Variants in CAB39 observed in about 807,000 individuals in gnomAD.
CAB39 encodes calcium-binding protein 39.
Under a neutral mutation model 40.0 loss-of-function variants are expected in CAB39, and 8 were observed. The ratio of observed to expected loss-of-function variants is 0.20; its 90% CI spans 0.12 to 0.36. The LOEUF is 0.36. Ranked by LOEUF, CAB39 falls within the 10% of genes least tolerant of loss-of-function variation. The pLI, the probability that CAB39 is intolerant of heterozygous loss-of-function variation, is 1.00. For synonymous variants in CAB39, 156 were observed against 141.6 expected (o/e 1.10, Z -0.72); for missense variants, 270 against 401.1 (o/e 0.67, Z 2.79).
chr2:230,815,038 G>A (rs1696376197), intron 7 of CAB39, among the ~76,000 whole-genome samples: 1 of 152,160 alleles, frequency 6.6e-6, no homozygotes, highest in Non-Finnish European at 1.5e-5. Context: ...TTCCTACCGT[G>A]GGGAAATCTC....
chr2:230,776,406 T>G lies in CAB39; in HGVS notation c.115-14466T>G, dbSNP rs116782990. Among the ~76,000 whole-genome samples the G allele has an allele frequency of 1.5e-3, 224 of 152,348 alleles. 1 individual carries two copies. The highest frequency in any genetic ancestry group is 5.2e-3 in the African/African-American group (217 of 41,578). ...AACCAGAGCATTGACATTGGTATAATCCACAGGGCTTGTTCAGATTTCACC... is the reference window on the plus strand; with the variant it reads ...AACCAGAGCATTGACATTGGTATAAGCCACAGGGCTTGTTCAGATTTCACC... On this transcript the variant is annotated intron_variant, in intron 2 of 8. Transcript: ENST00000258418.
chr2:230,730,931 C>T (rs1376781261), intron 1 of CAB39, among the ~76,000 whole-genome samples: 4 of 152,124 alleles, frequency 2.6e-5, no homozygotes, highest in Admixed American at 2.0e-4. Context: ...TTAGTAAGCT[C>T]CTTTTATGTT....
At chr2:230,731,210 T>TG (rs1403191683) in intron 1 of CAB39, among the ~76,000 whole-genome samples, 1 of 152,030 alleles carries the variant, frequency 6.6e-6, no homozygotes, top group African/African-American at 2.4e-5. Flanking sequence ...AATAAAACAA[T>TG]GGGGGGTGCT....
intron 1 of CAB39, among the ~76,000 whole-genome samples, chr2:230,715,397 G>T (rs1694330242): frequency 6.6e-6 from 1 of 152,194 alleles, no homozygotes; most frequent in South Asian, 2.1e-4. Flanking sequence ...GGCAGGATGT[G>T]TGTTGTCATG....
intron 1 of CAB39, among the ~76,000 whole-genome samples, chr2:230,721,241 G>A (rs570009741): frequency 6.6e-6 from 1 of 152,234 alleles, no homozygotes; most frequent in South Asian, 2.1e-4. Flanking sequence ...GACCTGCCTG[G>A]CCAACGTGGC....
At chr2:230,783,643 C>G (rs1253729971) in intron 2 of CAB39, among the ~76,000 whole-genome samples, 1 of 148,402 alleles carries the variant, frequency 6.7e-6, no homozygotes, top group African/African-American at 2.5e-5. Context: ...GGACCATAGG[C>G]ATGCACCACT....
At chr2:230,814,017 AT>A in intron 6 of CAB39, 31 bp from the exon 7 acceptor site, 1 of 239,524 alleles carries the variant, frequency 4.2e-6, no homozygotes, top group Non-Finnish European at 7.5e-6. Flanking sequence ...TTTTTTGGCA[AT>A]AACCCTGATT....
intron 1 of CAB39, among the ~76,000 whole-genome samples, chr2:230,726,537 A>C (rs1443570695): frequency 6.6e-6 from 1 of 152,010 alleles, no homozygotes; most frequent in Non-Finnish European, 1.5e-5. Context: ...ATGCTTTGGC[A>C]CATAAGTCAC....
intron 2 of CAB39, among the ~76,000 whole-genome samples, chr2:230,777,500 A>T (rs9808026): frequency 0.072 from 10,896 of 151,552 alleles, 570 homozygotes; most frequent in Middle Eastern, 0.13. Flanking sequence ...GCTCACTGCA[A>T]CTTCTGCCTC....
chr2:230,719,498 A>T (rs1282679110), intron 1 of CAB39, among the ~76,000 whole-genome samples: 1 of 152,236 alleles, frequency 6.6e-6, no homozygotes, highest in Non-Finnish European at 1.5e-5. Flanking sequence ...AATCTAAAAG[A>T]GATGGTTTAT....
At chr2:230,714,443 A>G (rs1202795701) in intron 1 of CAB39, among the ~76,000 whole-genome samples, 1 of 152,228 alleles carries the variant, frequency 6.6e-6, no homozygotes. Flanking sequence ...GCTTCATTAG[A>G]TATCAGGCTC....
intron 6 of CAB39, among the ~76,000 whole-genome samples, chr2:230,813,303 C>A (rs1428325327): frequency 6.6e-6 from 1 of 152,200 alleles, no homozygotes; most frequent in East Asian, 1.9e-4. Context: ...TCCAGCAGTG[C>A]CACTCTTGTC....
chr2:230,750,089 G>T (rs1397684108), intron 1 of CAB39, among the ~76,000 whole-genome samples: 1 of 152,068 alleles, frequency 6.6e-6, no homozygotes, highest in Non-Finnish European at 1.5e-5. Flanking sequence ...GTTACTTTGA[G>T]GATCAAAATA....
At chr2:230,805,413 C>CAA (rs946903245) in intron 5 of CAB39, among the ~76,000 whole-genome samples, 4 of 149,516 alleles carry the variant, frequency 2.7e-5, no homozygotes. Flanking sequence ...AAAAAAAATA[C>CAA]AAAAAAAAAT....
chr2:230,751,677 A>G (rs1380725320), intron 1 of CAB39, among the ~76,000 whole-genome samples: 1 of 152,082 alleles, frequency 6.6e-6, no homozygotes, highest in Non-Finnish European at 1.5e-5. Flanking sequence ...TATTCTTGAG[A>G]ATATTAATGT....
chr2:230,776,483 C>G (rs1057074693), intron 2 of CAB39, among the ~76,000 whole-genome samples: 13 of 152,218 alleles, frequency 8.5e-5, no homozygotes. Flanking sequence ...TTGCATCACA[C>G]TTATCTGTTC....
intron 1 of CAB39, among the ~76,000 whole-genome samples, chr2:230,715,412 G>A (rs992202497): frequency 2.6e-5 from 4 of 152,184 alleles, no homozygotes; most frequent in African/African-American, 9.7e-5. Flanking sequence ...GTCATGAGGT[G>A]TGGAAGAGGA....
In CAB39 at chr2:230,721,602, G is replaced by A. The variant is rs1414325039; in HGVS notation, c.-44+8372G>A. 4.6e-5 allele frequency among the ~76,000 whole-genome samples: 7 copies of A among 152,260 alleles called. No individual in the cohort carries two copies. The South Asian group carries it at 6.2e-4, about 14-fold the overall frequency. ...TCCCCTTTTCGCAGATAAGTTCCAC[G>A]TAAAGCCGTGTTTCCCAAATTGTGT... On this transcript the variant is annotated intron_variant, in intron 1 of 8. Transcript: ENST00000258418.
chr2:230,818,117 G>A (rs1696435737), intron 8 of CAB39: 1 of 507,734 alleles, frequency 2.0e-6, no homozygotes, highest in African/African-American at 2.0e-5. Context: ...TCATAGAAGA[G>A]TGTCATTTAT....
Sources: allele counts gnomAD v4.1 joint callset (sites outside exome capture counted in the v4.1 genomes callset), GRCh38; gene constraint gnomAD v4.1.1; transcripts MANE v1.5; gene names NCBI Gene and HGNC (gene_info 2026-07-23, HGNC 2026-07-21).